The following CCSER1 variants were observed in gnomAD, a reference collection of about 807,000 sequenced individuals.
The protein encoded by CCSER1 is serine-rich coiled-coil domain-containing protein 1.
Under a neutral mutation model 82.0 loss-of-function variants are expected in CCSER1, and 41 were observed. The observed-to-expected ratio is 0.50, with a 90% CI of 0.39 to 0.65. CCSER1 has a LOEUF of 0.65. CCSER1 is among the 30% of genes least tolerant of loss of function. The pLI, the probability that CCSER1 is intolerant of heterozygous loss-of-function variation, is 0.00. For synonymous variants in CCSER1, 414 were observed against 383.9 expected (o/e 1.08, Z -0.92); for missense variants, 1,119 against 1,064.2 (o/e 1.05, Z -0.72).
chr4:90,734,226 T>C (rs1014179067), intron 7 of CCSER1, among the ~76,000 whole-genome samples: 48 of 151,862 alleles, frequency 3.2e-4, no homozygotes, highest in Non-Finnish European at 1.9e-4. Context: ...CCTGGGTTCT[T>C]GCCATTCTCC....
intron 10 of CCSER1, among the ~76,000 whole-genome samples, chr4:91,112,968 G>C (rs920639355): frequency 6.6e-6 from 1 of 152,170 alleles, no homozygotes. Flanking sequence ...GACGTAATGA[G>C]GGAATTTTAG....
At chr4:90,196,496 C>G (rs1202402477) in intron 1 of CCSER1, among the ~76,000 whole-genome samples, 1 of 151,970 alleles carries the variant, frequency 6.6e-6, no homozygotes, top group Non-Finnish European at 1.5e-5. Context: ...GTATAAGGGC[C>G]CAGCCTTGTT....
chr4:90,501,926 T>C (rs138724578), intron 5 of CCSER1, among the ~76,000 whole-genome samples: 1 of 152,316 alleles, frequency 6.6e-6, no homozygotes, highest in African/African-American at 2.4e-5. Context: ...GCTGTCATAA[T>C]TGCTGATAGG....
chr4:91,196,251 C>G (rs1044227749), intron 10 of CCSER1, among the ~76,000 whole-genome samples: 4 of 151,634 alleles, frequency 2.6e-5, no homozygotes, highest in African/African-American at 9.7e-5. Flanking sequence ...TCTCTTCTAG[C>G]CCAAGAAGGT....
At chr4:90,344,779 A>C (rs1055573680) in intron 3 of CCSER1, among the ~76,000 whole-genome samples, 1 of 152,052 alleles carries the variant, frequency 6.6e-6, no homozygotes, top group African/African-American at 2.4e-5. Flanking sequence ...ACTTTAATAC[A>C]CCTCTGAATG....
chr4:90,208,321 T>C (rs960087819), intron 1 of CCSER1, among the ~76,000 whole-genome samples: 2 of 152,136 alleles, frequency 1.3e-5, no homozygotes, highest in African/African-American at 4.8e-5. Flanking sequence ...AATCGCCTAC[T>C]CAAGCCTCAG....
chr4:90,431,666 G>A (rs75307018), intron 4 of CCSER1, among the ~76,000 whole-genome samples: 2,562 of 152,132 alleles, frequency 0.017, 71 homozygotes, highest in African/African-American at 0.058. Flanking sequence ...TAGCCCTAAC[G>A]TTCACTCAGT....
At chr4:90,526,198 G>A (rs1773732811) in intron 5 of CCSER1, among the ~76,000 whole-genome samples, 1 of 152,128 alleles carries the variant, frequency 6.6e-6, no homozygotes, top group East Asian at 1.9e-4. Context: ...CTCTCTACTT[G>A]TAACTTACAC....
intron 1 of CCSER1, among the ~76,000 whole-genome samples, chr4:90,212,128 G>A (rs1199753814): frequency 6.6e-6 from 1 of 152,076 alleles, no homozygotes; most frequent in Non-Finnish European, 1.5e-5. Flanking sequence ...TTTCATCAAA[G>A]CATCTTATAG....
In CCSER1 at chr4:90,879,533, AGAAGAAGAAAGAAGAAGAAGAG is replaced by A. The variant is rs1286347779; in HGVS notation, c.2095-43827_2095-43806del. Among the ~76,000 whole-genome samples, 6 of 146,310 alleles carry A rather than the reference AGAAGAAGAAAGAAGAAGAAGAG, an allele frequency of 4.1e-5. No individual in the cohort carries two copies. The Admixed American group carries it at 4.1e-4, about 10-fold the overall frequency. On this transcript the variant is annotated intron_variant, in intron 8 of 10. Coordinates refer to ENST00000509176, the MANE Select transcript of CCSER1 (RefSeq NM_001145065.2). Reference sequence around the variant, plus strand: ...AAGAAGAAGAGGAAGAGGAAGAGGAAGAAGAAGAAAGAAGAAGAAGAGGAAGAAGAAGAAGAGGAAGAAGAAG... The same window carrying A: ...AAGAAGAAGAGGAAGAGGAAGAGGAAGAAGAAGAAGAAGAGGAAGAAGAAG...
At chr4:90,442,277 G>A (rs2153573327) in intron 4 of CCSER1, among the ~76,000 whole-genome samples, 1 of 152,230 alleles carries the variant, frequency 6.6e-6, no homozygotes, top group African/African-American at 2.4e-5. Flanking sequence ...AACCCCTGAG[G>A]AGGCCTGATG....
At chr4:90,881,507 T>C (rs929773141) in intron 8 of CCSER1, among the ~76,000 whole-genome samples, 2 of 152,256 alleles carry the variant, frequency 1.3e-5, no homozygotes. Flanking sequence ...TGTGGTGGCT[T>C]GCACCTGTAA....
intron 1 of CCSER1, among the ~76,000 whole-genome samples, chr4:90,268,220 G>T (rs1035376387): frequency 6.6e-6 from 1 of 152,060 alleles, no homozygotes; most frequent in Non-Finnish European, 1.5e-5. Context: ...GTTCTCACTG[G>T]TAGTAATAAA....
At chr4:90,774,875 A>G (rs750109065) in intron 7 of CCSER1, among the ~76,000 whole-genome samples, 15 of 152,112 alleles carry the variant, frequency 9.9e-5, no homozygotes, top group Admixed American at 2.0e-4. Context: ...TCTTATTCCA[A>G]AAAGACCACT....
chr4:90,818,274 T>C (rs1167564767), intron 8 of CCSER1, among the ~76,000 whole-genome samples: 5 of 151,276 alleles, frequency 3.3e-5, no homozygotes, highest in Admixed American at 1.3e-4. Context: ...TCTTTTCTTT[T>C]TTTTCTTTTT....
At chr4:91,086,190 G>C in intron 10 of CCSER1, among the ~76,000 whole-genome samples, 196 bp downstream of exon 10, 1 of 152,064 alleles carries the variant, frequency 6.6e-6, no homozygotes, top group East Asian at 1.9e-4. Flanking sequence ...TGTTATTTGT[G>C]CTTGTTCCTC....
intron 5 of CCSER1, among the ~76,000 whole-genome samples, chr4:90,508,175 A>T (rs375002880): frequency 5.9e-5 from 9 of 152,202 alleles, no homozygotes; most frequent in South Asian, 2.1e-4. Context: ...GAAAAATTGT[A>T]CTGAAAATTG....
intron 10 of CCSER1, among the ~76,000 whole-genome samples, chr4:91,246,217 G>A (rs1167752705): frequency 6.6e-6 from 1 of 152,014 alleles, no homozygotes; most frequent in African/African-American, 2.4e-5. Flanking sequence ...TAAAAAGCAG[G>A]GTGACAAAGT....
chr4:90,584,331 A>G (rs998746780), intron 5 of CCSER1, among the ~76,000 whole-genome samples: 1 of 152,158 alleles, frequency 6.6e-6, no homozygotes, highest in Non-Finnish European at 1.5e-5. Context: ...AAGAAGAGAA[A>G]CCACACGGCA....
Sources: allele counts gnomAD v4.1 joint callset (sites outside exome capture counted in the v4.1 genomes callset), GRCh38; gene constraint gnomAD v4.1.1; transcripts MANE v1.5; gene names NCBI Gene and HGNC (gene_info 2026-07-23, HGNC 2026-07-21).